BRD8: variants seen among roughly 807,000 people sequenced by gnomAD.
The protein encoded by BRD8 is bromodomain-containing protein 8.
A neutral mutation model predicts 143.1 loss-of-function variants in BRD8; 67 were observed. The ratio of observed to expected loss-of-function variants is 0.47; its 90% CI spans 0.38 to 0.57. The LOEUF is 0.57. BRD8 is among the 20% of genes least tolerant of loss of function. BRD8 has a pLI of 0.00. For synonymous variants in BRD8, 505 were observed against 517.1 expected (o/e 0.98, Z 0.32); for missense variants, 1,103 against 1,503.0 (o/e 0.73, Z 4.40).
Position 138,165,984 on chromosome 5 carries a change from T to A in BRD8, c.1122A>T (p.Ser374=), listed in dbSNP as rs1443697857. 3.7e-6 allele frequency: 6 copies of A among 1,614,088 alleles called. No homozygotes were observed. The highest frequency in any genetic ancestry group is 5.1e-6 in the Non-Finnish European group (6 of 1,180,034). ...ATCCAACAGGAGCCTCTGCTACCCC[T>A]GATCGAAAACACTCTTCTTTGATAG... ...INSIKEECFR[S]GVAEAPVGSK... is the part of the protein sequence containing the mutation. Residue 374 remains serine, a synonymous_variant, in exon 11 of 27, where the codon TCA becomes TCT. Coordinates refer to ENST00000254900, the MANE Select transcript of BRD8 (RefSeq NM_139199.2).
intron 9 of BRD8, chr5:138,167,582 A>G (rs1753542134): frequency 4.6e-6 from 1 of 219,354 alleles, no homozygotes; most frequent in Non-Finnish European, 9.2e-6. Context: ...TCACAAAACC[A>G]ATGTGTGGCA....
At position 138,161,728 on chromosome 5, in the gene BRD8, A is replaced by C. The variant is rs1753013446; in HGVS notation, c.2249+68T>G. 3.7e-5 allele frequency: 56 copies of C among 1,526,574 alleles called. No individual in the cohort carries two copies. The South Asian group carries it at 6.4e-4, about 17-fold the overall frequency. The allele number at this position is 1,526,574 out of a possible 1,614,324, so 94.6% of individuals were successfully genotyped here. A position where few individuals can be genotyped will look rare whatever the true frequency, so the allele number is the denominator to read the frequency against. ...TTGCTTTAAACTTTCTATCGAAAGC[A>C]AAACTTCACTAAGACTGGACAATTT... On this transcript the variant is annotated intron_variant, in intron 17 of 26. Transcript: ENST00000254900.
Position 138,164,902 on chromosome 5 carries a change from G to C in BRD8, c.1543C>G (p.Pro515Ala). The change falls in exon 12 of 27, where the codon CCA (proline) becomes GCA (alanine). Residue 515 changes from proline (P) to alanine (A), a missense_variant. By Grantham distance (27) the Pro-to-Ala change is conservative. Around this residue, in one of 7 missense-constraint regions of BRD8, gnomAD observed 139 missense variants for 139.0 expected, o/e 1.00. Coordinates refer to ENST00000254900, the MANE Select transcript of BRD8 (RefSeq NM_139199.2). Reference protein sequence around the residue: ...SAEIKVEPAEPEPVISGAEIV... With the variant: ...SAEIKVEPAEAEPVISGAEIV... ...TCGGCTCCTGAAATGACTGGCTCTG[G>C]TTCTGCAGGTTCCACCTTGATCTCT... is the stretch of plus-strand genomic sequence containing the variant. 6.2e-7 allele frequency: 1 copy of C among 1,614,182 alleles called. No individual in the cohort carries two copies. The highest frequency in any genetic ancestry group is 8.5e-7 in the Non-Finnish European group (1 of 1,180,040).
chr5:138,176,516 G>A (rs1456662054), intron 2 of BRD8, among the ~76,000 whole-genome samples: 1 of 152,202 alleles, frequency 6.6e-6, no homozygotes. Context: ...GGAGGTTGCA[G>A]TGAGCCAAGA....
At chr5:138,178,410 GAAAC>G (rs1240849114) in intron 1 of BRD8, among the ~76,000 whole-genome samples, 182 bp downstream of exon 1, 2 of 152,128 alleles carry the variant, frequency 1.3e-5, no homozygotes. Context: ...CTCTCCCTGA[GAAAC>G]AAGACCCCAG....
intron 9 of BRD8, chr5:138,167,024 T>C (rs1409379175): frequency 4.7e-6 from 1 of 212,348 alleles, no homozygotes; most frequent in African/African-American, 2.6e-5. Flanking sequence ...GGCAGGTGGG[T>C]CACTTGAGGT....
chr5:138,157,401 G>T, intron 20 of BRD8: 1 of 1,143,244 alleles, frequency 8.7e-7, no homozygotes. Flanking sequence ...AGGGATGAGG[G>T]GCATATTTCT....
rs1753022371 is a variant in BRD8 at position 138,161,867 on chromosome 5, G to A, written c.2181-3C>T. 1 of 1,614,036 alleles carries A rather than the reference G, an allele frequency of 6.2e-7. No individual in the cohort carries two copies. On this transcript the variant is annotated splice_region_variant and splice_polypyrimidine_tract_variant and intron_variant, in intron 16 of 26. Coordinates refer to ENST00000254900, the MANE Select transcript of BRD8 (RefSeq NM_139199.2). ...GCTGCAGGAAGACATTGGCATACCT[G>A]TCCAAAAGGAATAAGGTGCAATTAC...
chr5:138,164,445 T>C, intron 12 of BRD8, 32 bp from the exon 13 acceptor site: 1 of 1,581,896 alleles, frequency 6.3e-7, no homozygotes, highest in Non-Finnish European at 8.7e-7. Flanking sequence ...ACACCCTAAG[T>C]ACTGATAAAT....
chr5:138,173,817 G>T (rs1276710548), intron 2 of BRD8, among the ~76,000 whole-genome samples: 2 of 152,148 alleles, frequency 1.3e-5, no homozygotes, highest in African/African-American at 4.8e-5. Context: ...CGAGTAGCTG[G>T]AACTATAGGC....
chr5:138,177,571 C>T lies in BRD8; in HGVS notation c.116G>A (p.Trp39Ter). 6.2e-7 allele frequency: 1 copy of T among 1,604,864 alleles called. No individual in the cohort carries two copies. The highest frequency in any genetic ancestry group is 1.1e-5 in the South Asian group (1 of 90,702). Residue 39 changes from tryptophan (W) to a stop codon, truncating the protein, a stop_gained and splice_region_variant, in exon 2 of 27, where the codon TGG becomes TAG. Coordinates refer to ENST00000254900, the MANE Select transcript of BRD8 (RefSeq NM_139199.2). LOFTEE classifies it high-confidence loss of function. ...AAAGCTGACATCCTAGATACCTTAC[C>T]AATTTTGATCGCCACTTCTCATGAC... Reference protein sequence around the residue: ...SSVMRSGDQNWVSVSRAIKPF... With the variant: ...SSVMRSGDQN
intron 3 of BRD8, among the ~76,000 whole-genome samples, chr5:138,171,721 T>C (rs1027365902): frequency 6.6e-6 from 1 of 152,228 alleles, no homozygotes; most frequent in Non-Finnish European, 1.5e-5. Flanking sequence ...GTTTTACATG[T>C]ATTACTTCAA....
chr5:138,160,407 C>T (rs1420818059), intron 18 of BRD8, among the ~76,000 whole-genome samples: 5 of 152,122 alleles, frequency 3.3e-5, no homozygotes, highest in Admixed American at 1.3e-4. Flanking sequence ...TCTCTATCCT[C>T]CAGGAATGAG....
At chr5:138,167,511 A>G (rs1753534620) in intron 9 of BRD8, 1 of 173,232 alleles carries the variant, frequency 5.8e-6, no homozygotes, top group South Asian at 1.4e-4. Context: ...ATCCTTGTGA[A>G]GTATATATGT....
chr5:138,152,437 A>G, intron 21 of BRD8, 45 bp downstream of exon 21: 4 of 1,601,656 alleles, frequency 2.5e-6, no homozygotes, highest in Non-Finnish European at 3.4e-6. Flanking sequence ...ATTCTCTTAG[A>G]AAGTTGAGGC....
At chr5:138,146,969 CAAAAAA>C (rs60597015) in intron 23 of BRD8, among the ~76,000 whole-genome samples, 2 of 49,046 alleles carry the variant, frequency 4.1e-5, no homozygotes, top group African/African-American at 7.0e-5. Flanking sequence ...AACTCCGTCT[CAAAAAA>C]AAAAAAAAAA....
intron 23 of BRD8, among the ~76,000 whole-genome samples, chr5:138,147,764 T>G (rs1192560624): frequency 6.6e-6 from 1 of 152,132 alleles, no homozygotes; most frequent in Admixed American, 6.6e-5. Flanking sequence ...GATGAAACCC[T>G]GTCTCTAACA....
Position 138,160,141 on chromosome 5 carries a change from T to C in BRD8, c.2460A>G (p.Thr820=). ...TTTTAGCACTGATCCCAGACTCGGA[T>C]GTTTGCATAATCAACTGCGTGGCCA... ...QFLATQLIMQ[T]SESGISAKSL... Residue 820 remains threonine, a synonymous_variant, in exon 19 of 27, where the codon ACA becomes ACG. Transcript: ENST00000254900. The C allele has an allele frequency of 3.1e-6, 5 of 1,614,180 alleles. No homozygotes were observed. The highest frequency in any genetic ancestry group is 4.2e-6 in the Non-Finnish European group (5 of 1,180,018).
intron 6 of BRD8, 112 bp from the exon 7 acceptor site, chr5:138,170,521 G>A: frequency 1.8e-6 from 2 of 1,117,302 alleles, no homozygotes; most frequent in Non-Finnish European, 2.7e-6. Flanking sequence ...TGGAAGAAAG[G>A]CCTAAACAGG....
Sources: allele counts gnomAD v4.1 joint callset (sites outside exome capture counted in the v4.1 genomes callset), GRCh38; gene constraint gnomAD v4.1.1; regional missense constraint gnomAD v4.1.1; transcripts MANE v1.5; gene names NCBI Gene and HGNC (gene_info 2026-07-23, HGNC 2026-07-21).